The following TBC1D21 variants were observed in gnomAD, a reference collection of about 807,000 sequenced individuals.
The protein encoded by TBC1D21 is male germ cell Rab GTPase-activating protein.
TBC1D21 carries 38 observed loss-of-function variants against 46.0 expected under a neutral mutation model. The observed-to-expected ratio is 0.83, with a 90% confidence interval of 0.64 to 1.08. The LOEUF (loss-of-function observed/expected upper bound fraction) is 1.08, where lower values mean the gene tolerates loss of function less well. TBC1D21 is among the 50% of genes least tolerant of loss of function. The pLI is 0.00. For synonymous variants in TBC1D21, 151 were observed against 157.2 expected (o/e 0.96, Z 0.29); for missense variants, 415 against 417.9 (o/e 0.99, Z 0.06).
At chr15:73,880,304 C>CCACACACACACACA (rs57897774) in intron 1 of TBC1D21, among the ~76,000 whole-genome samples, 20 of 149,484 alleles carry the variant, frequency 1.3e-4, no homozygotes, top group African/African-American at 4.9e-4. Context: ...CAGATATATA[C>CCACACACACACACA]CACACACACA....
chr15:73,876,065 T>C (rs2068053875), intron 1 of TBC1D21, among the ~76,000 whole-genome samples: 2 of 152,084 alleles, frequency 1.3e-5, no homozygotes, highest in South Asian at 4.1e-4. Context: ...TTCTGGTCCT[T>C]GGCTTGCTAG....
At chr15:73,905,744 G>A in the TBC1D21 span, among the ~76,000 whole-genome samples, 4 of 152,290 alleles carry the variant, frequency 2.6e-5, no homozygotes, top group East Asian at 7.7e-4. Flanking sequence ...ATAAAACCCT[G>A]AGCAGATTTG....
chr15:73,903,518 C>G, the TBC1D21 span, among the ~76,000 whole-genome samples: 1 of 152,208 alleles, frequency 6.6e-6, no homozygotes, highest in African/African-American at 2.4e-5. Flanking sequence ...TTCCCTGTCT[C>G]ACTTCCCTAC....
At chr15:73,878,292 G>A (rs1368955741) in intron 1 of TBC1D21, among the ~76,000 whole-genome samples, 1 of 152,100 alleles carries the variant, frequency 6.6e-6, no homozygotes, top group Admixed American at 6.5e-5. Context: ...GAGTGGGTGT[G>A]GCTGTATCCT....
the TBC1D21 span, among the ~76,000 whole-genome samples, chr15:73,896,584 G>A: frequency 3.9e-5 from 6 of 152,202 alleles, no homozygotes; most frequent in African/African-American, 9.6e-5. Context: ...GCTAGAGAAC[G>A]TGGCGGAACA....
At chr15:73,904,752 A>ATG in the TBC1D21 span, among the ~76,000 whole-genome samples, 1 of 152,140 alleles carries the variant, frequency 6.6e-6, no homozygotes, top group Non-Finnish European at 1.5e-5. Context: ...AAGGCCAGGG[A>ATG]TGTGTGTGTA....
chr15:73,898,902 T>TATATATATATATATATAC, the TBC1D21 span, among the ~76,000 whole-genome samples: 54 of 112,840 alleles, frequency 4.8e-4, no homozygotes, highest in East Asian at 1.0e-3. Context: ...TATATATATA[T>TATATATATATATATATAC]ACACACACAC....
intron 9 of TBC1D21, among the ~76,000 whole-genome samples, chr15:73,888,119 C>T (rs2141583519): frequency 6.6e-6 from 1 of 152,316 alleles, no homozygotes; most frequent in East Asian, 1.9e-4. Context: ...CTACTGAAGT[C>T]TTTGTTGGAA....
rs923357052 is a variant in TBC1D21, at chr15:73,873,582, G to C, written c.-128G>C. On this transcript the variant is annotated 5_prime_UTR_variant, in exon 1 of 11. Coordinates refer to ENST00000300504, the MANE Select transcript of TBC1D21 (RefSeq NM_153356.3). Reference sequence around the variant, plus strand: ...TTGTGACACACTGCTGGCCGGCTCTGTTCAAGTGTGGGAGGTCAGGAGCAG... The same window carrying C: ...TTGTGACACACTGCTGGCCGGCTCTCTTCAAGTGTGGGAGGTCAGGAGCAG... 1 of 972,936 alleles carries C rather than the reference G, an allele frequency of 1.0e-6. No homozygotes were observed. Among genetic ancestry groups the C allele is most frequent in the East Asian group, 2.6e-5 (1 of 37,800 alleles). 60.3% of individuals were successfully genotyped at this position (972,936 alleles called of 1,614,324 possible). A position where few individuals can be genotyped will look rare whatever the true frequency, so the allele number is the denominator to read the frequency against.
Position 73,877,547 on chromosome 15 carries a change from AAAAG to A in TBC1D21, c.60+3782_60+3785del, listed in dbSNP as rs1595818181. The stretch of plus-strand genomic sequence containing the variant: ...AAAAAAAAAAAAAAAAAAAAAAAAA[AAAAG>A]AAATCCCTACTCATTTTATGAGGCC... On this transcript the variant is annotated intron_variant, in intron 1 of 10. Coordinates refer to ENST00000300504, the MANE Select transcript of TBC1D21 (RefSeq NM_153356.3). Among the ~76,000 whole-genome samples the A allele has an allele frequency of 3.7e-5, 3 of 80,068 alleles. 1 individual carries two copies. Among genetic ancestry groups the A allele is most frequent in the African/African-American group, 1.4e-4 (3 of 21,490 alleles). The allele number at this position is 80,068 out of a possible 152,430, so 52.5% of individuals were successfully genotyped here.
chr15:73,876,531 C>T (rs1479292096), intron 1 of TBC1D21, among the ~76,000 whole-genome samples: 3 of 151,838 alleles, frequency 2.0e-5, no homozygotes, highest in Admixed American at 6.6e-5. Context: ...GCGTGAGCCA[C>T]CGCGCCCGGC....
the TBC1D21 span, among the ~76,000 whole-genome samples, chr15:73,898,904 C>T: frequency 0.13 from 12,114 of 90,864 alleles, 874 homozygotes; most frequent in Non-Finnish European, 0.19. Context: ...TATATATATA[C>T]ACACACACTC....
the TBC1D21 span, among the ~76,000 whole-genome samples, chr15:73,898,829 C>T: frequency 5.4e-3 from 689 of 127,212 alleles, 3 homozygotes; most frequent in Middle Eastern, 0.019. Flanking sequence ...GCACCACTGC[C>T]CTCCAGCCTG....
Position 73,887,747 on chromosome 15 carries a change from C to A in TBC1D21, c.894+11C>A, listed in dbSNP as rs370446821. On this transcript the variant is annotated intron_variant, in intron 9 of 10. Transcript: ENST00000300504. ...GATGACATCCTCCTGGTGAGAGCACCCTCGGGCAAGCTACCACCCCTGCTC... is the reference window on the plus strand; with the variant it reads ...GATGACATCCTCCTGGTGAGAGCACACTCGGGCAAGCTACCACCCCTGCTC... 3.1e-6 allele frequency: 5 copies of A among 1,609,534 alleles called. No individual in the cohort carries two copies. Among genetic ancestry groups the A allele is most frequent in the Non-Finnish European group, 4.2e-6 (5 of 1,176,940 alleles).
the TBC1D21 span, among the ~76,000 whole-genome samples, chr15:73,908,981 C>T: frequency 6.6e-6 from 1 of 152,264 alleles, no homozygotes; most frequent in Non-Finnish European, 1.5e-5. Flanking sequence ...CTGCCTCTCA[C>T]TAGCTGTGTG....
chr15:73,907,397 A>C, the TBC1D21 span, among the ~76,000 whole-genome samples: 1 of 152,208 alleles, frequency 6.6e-6, no homozygotes, highest in Non-Finnish European at 1.5e-5. Context: ...GGGCAGCTTT[A>C]GAAAGTGTGA....
intron 1 of TBC1D21, among the ~76,000 whole-genome samples, chr15:73,875,962 T>TAGAG (rs2068051859): frequency 2.0e-5 from 3 of 152,140 alleles, no homozygotes; most frequent in Non-Finnish European, 4.4e-5. Flanking sequence ...ATTCTCTGAT[T>TAGAG]TCTAGCATAG....
At chr15:73,883,150 C>T (rs2068183674) in intron 3 of TBC1D21, among the ~76,000 whole-genome samples, 1 of 152,146 alleles carries the variant, frequency 6.6e-6, no homozygotes, top group Non-Finnish European at 1.5e-5. Context: ...AGGGGCTAGG[C>T]CCAGCCCCAA....
chr15:73,905,607 G>A, the TBC1D21 span, among the ~76,000 whole-genome samples: 1 of 152,232 alleles, frequency 6.6e-6, no homozygotes, highest in Non-Finnish European at 1.5e-5. Context: ...GAAATTGGCT[G>A]TGGTGGGAGT....
Sources: gnomAD v4.1 joint callset for allele counts (sites outside exome capture counted in the v4.1 genomes callset) on GRCh38, gnomAD v4.1.1 for gene constraint, MANE v1.5 for transcripts, NCBI Gene and HGNC (gene_info 2026-07-23, HGNC 2026-07-21) for gene names.